Variants in CCM2 observed in about 807,000 individuals in gnomAD.
CCM2 encodes CCM2 scaffold protein.
A neutral mutation model predicts 44.9 loss-of-function variants in CCM2; 25 were observed. That is an observed-to-expected ratio of 0.56 (90% CI 0.41 to 0.78). The LOEUF is 0.78. Among genes scored for constraint, CCM2 ranks in the 30% least tolerant of loss-of-function variants. The pLI, the probability that CCM2 is intolerant of heterozygous loss-of-function variation, is 0.00. For missense variants in CCM2, 481 were observed against 580.6 expected, an observed-to-expected ratio of 0.83 and a Z score of 1.76; for synonymous variants, 219 against 241.1, an observed-to-expected ratio of 0.91 and a Z score of 0.85.
chr7:45,012,760 C>T (rs1457677990), intron 1 of CCM2, among the ~76,000 whole-genome samples: 1 of 151,760 alleles, frequency 6.6e-6, no homozygotes, highest in Non-Finnish European at 1.5e-5. Context: ...CTATGTTGCC[C>T]AGGTCGTCTC....
chr7:45,008,523 C>T (rs140228057), intron 1 of CCM2, among the ~76,000 whole-genome samples: 3,623 of 152,036 alleles, frequency 0.024, 152 homozygotes, highest in African/African-American at 0.082. Context: ...CCACCAAGTC[C>T]GGCTAATTTT....
At chr7:45,053,363 A>C (rs1376121736) in intron 2 of CCM2, among the ~76,000 whole-genome samples, 1 of 152,202 alleles carries the variant, frequency 6.6e-6, no homozygotes, top group Non-Finnish European at 1.5e-5. Context: ...CTAGAAACGG[A>C]GTCAGGGATT....
At chr7:45,072,200 A>G (rs1328263205) in intron 6 of CCM2, 34 of 329,784 alleles carry the variant, frequency 1.0e-4, no homozygotes, top group South Asian at 8.0e-4. Flanking sequence ...GTAGCTGCTC[A>G]GTGCCAGACC....
At chr7:45,059,459 T>TAC (rs1798424038) in intron 2 of CCM2, among the ~76,000 whole-genome samples, 1 of 150,712 alleles carries the variant, frequency 6.6e-6, no homozygotes, top group African/African-American at 2.4e-5. Context: ...AAACAAAAAA[T>TAC]ACAGGCTGGG....
In CCM2 at chr7:45,074,417, G is replaced by T; in HGVS notation, c.1054+9G>T. On this transcript the variant is annotated intron_variant, in intron 9 of 9. Coordinates refer to ENST00000258781, the MANE Select transcript of CCM2 (RefSeq NM_031443.4). The stretch of plus-strand genomic sequence containing the variant: ...CAAGTTCCTGCTGCTTGGTGAGTGG[G>T]CCCTGGAAAGAGGGTGGCTTGTCCA... 1 of 1,611,182 alleles carries T rather than the reference G, an allele frequency of 6.2e-7. No individual in the cohort carries two copies. Among genetic ancestry groups the T allele is most frequent in the East Asian group, 2.2e-5 (1 of 44,828 alleles).
At chr7:45,033,693 C>G (rs1335344540) in intron 1 of CCM2, among the ~76,000 whole-genome samples, 1 of 152,184 alleles carries the variant, frequency 6.6e-6, no homozygotes, top group East Asian at 1.9e-4. Flanking sequence ...AAGCTGGGCT[C>G]ATGGGCCAAA....
intron 4 of CCM2, 81 bp downstream of exon 4, chr7:45,064,727 T>C (rs564378741): frequency 1.1e-5 from 16 of 1,465,272 alleles, no homozygotes; most frequent in South Asian, 3.5e-5. Flanking sequence ...AGACAGTTTT[T>C]GCAGCTTCGT....
At chr7:45,049,446 C>T (rs1348422557) in intron 2 of CCM2, among the ~76,000 whole-genome samples, 1 of 152,156 alleles carries the variant, frequency 6.6e-6, no homozygotes, top group Non-Finnish European at 1.5e-5. Flanking sequence ...CAAATGATTA[C>T]ACGGTATACA....
At chr7:45,014,381 C>T (rs562905200) in intron 1 of CCM2, among the ~76,000 whole-genome samples, 13 of 152,212 alleles carry the variant, frequency 8.5e-5, no homozygotes, top group South Asian at 8.3e-4. Context: ...CCTCGTGATC[C>T]GCCCACCTCG....
intron 8 of CCM2, 92 bp from the exon 9 acceptor site, chr7:45,074,178 C>G (rs1799227018): frequency 6.3e-7 from 1 of 1,595,078 alleles, no homozygotes; most frequent in Admixed American, 1.7e-5. Flanking sequence ...AGCTGGTGCT[C>G]TGGCTGGGGT....
chr7:45,040,755 G>GGA, intron 2 of CCM2, among the ~76,000 whole-genome samples: 1 of 141,832 alleles, frequency 7.1e-6, no homozygotes, highest in South Asian at 2.8e-4. Context: ...GGGAGGCCAA[G>GGA]GGGGGCAGAT....
intron 4 of CCM2, chr7:45,068,170 T>G: frequency 5.9e-6 from 3 of 510,926 alleles, no homozygotes; most frequent in Non-Finnish European, 7.2e-6. Flanking sequence ...CAGGGTTGTA[T>G]ATGTGGTCTG....
At chr7:45,055,800 G>C (rs555701731) in intron 2 of CCM2, among the ~76,000 whole-genome samples, 1 of 152,300 alleles carries the variant, frequency 6.6e-6, no homozygotes, top group Admixed American at 6.5e-5. Context: ...CTTCCCACCA[G>C]CCCTTACTGA....
rs1350848319 is a variant in CCM2 at position 45,072,784 on chromosome 7, G to C, written c.803+1G>C. On this transcript the variant is annotated splice_donor_variant, in intron 7 of 9. Coordinates refer to ENST00000258781, the MANE Select transcript of CCM2 (RefSeq NM_031443.4). LOFTEE classifies it high-confidence loss of function. ...CCTACGAGGTGGAAGCCAGCACTTT[G>C]TGAGTGCACATGCCACCAAGCCCTG... 1 of 1,611,112 alleles carries C rather than the reference G, an allele frequency of 6.2e-7. No individual in the cohort carries two copies.
intron 1 of CCM2, among the ~76,000 whole-genome samples, chr7:45,002,936 G>C (rs1795701759): frequency 6.6e-6 from 1 of 152,202 alleles, no homozygotes; most frequent in Non-Finnish European, 1.5e-5. Context: ...CTGGGGAGTA[G>C]AAGTGACCAC....
At chr7:45,033,867 GTT>G (rs769195847) in intron 1 of CCM2, among the ~76,000 whole-genome samples, 25 of 152,170 alleles carry the variant, frequency 1.6e-4, no homozygotes, top group Non-Finnish European at 2.5e-4. Context: ...AGCCTGGTGT[GTT>G]TTTAGTGAGG....
intron 1 of CCM2, among the ~76,000 whole-genome samples, chr7:45,016,899 C>T (rs1460005030): frequency 6.6e-6 from 1 of 152,178 alleles, no homozygotes; most frequent in Non-Finnish European, 1.5e-5. Context: ...TTCCAAAGTG[C>T]TAGGATTACA....
At chr7:45,065,804 A>C (rs536299872) in intron 4 of CCM2, among the ~76,000 whole-genome samples, 2 of 152,288 alleles carry the variant, frequency 1.3e-5, no homozygotes, top group Admixed American at 1.3e-4. Context: ...ACACATGTAC[A>C]TTACTCACCC....
At chr7:45,071,753 G>A (rs1323185759) in intron 6 of CCM2, 1 of 456,488 alleles carries the variant, frequency 2.2e-6, no homozygotes. Flanking sequence ...TTCACAGCCA[G>A]CCACGTGACC....
Sources: allele counts gnomAD v4.1 joint callset (sites outside exome capture counted in the v4.1 genomes callset), GRCh38; gene constraint gnomAD v4.1.1; transcripts MANE v1.5; gene names NCBI Gene and HGNC (gene_info 2026-07-23, HGNC 2026-07-21).